The following ZWILCH variants were observed in gnomAD, a reference collection of about 807,000 sequenced individuals.
ZWILCH encodes the protein zwilch kinetochore protein.
A neutral mutation model predicts 79.9 loss-of-function variants in ZWILCH; 74 were observed. That is an observed-to-expected ratio of 0.93 (90% CI 0.77 to 1.12). The LOEUF is 1.12. Among genes scored for constraint, ZWILCH ranks in the 50% most tolerant of loss-of-function variants. The pLI is 0.00. For synonymous variants in ZWILCH, 241 were observed against 228.2 expected (o/e 1.06, Z -0.51); for missense variants, 694 against 687.5 (o/e 1.01, Z -0.11).
At chr15:66,541,227 C>T (rs2140807238) in intron 17 of ZWILCH, among the ~76,000 whole-genome samples, 1 of 152,010 alleles carries the variant, frequency 6.6e-6, no homozygotes, top group Non-Finnish European at 1.5e-5. Context: ...GTGGAGGTTA[C>T]AGTGAGCTGG....
chr15:66,527,986 G>T, intron 10 of ZWILCH, 74 bp downstream of exon 10: 4 of 1,290,086 alleles, frequency 3.1e-6, no homozygotes, highest in Non-Finnish European at 4.3e-6. Context: ...CATCTTTCAT[G>T]TTGTACCATC....
intron 16 of ZWILCH, among the ~76,000 whole-genome samples, 194 bp downstream of exon 16, chr15:66,537,457 G>A (rs1157123514): frequency 3.9e-5 from 6 of 151,938 alleles, no homozygotes; most frequent in African/African-American, 7.3e-5. Flanking sequence ...TTGGGAGGCC[G>A]AGGCGGGTGG....
At position 66,533,280 on chromosome 15, in the gene ZWILCH, T is replaced by C. The variant is rs1894909601; in HGVS notation, c.1341+267T>C. Reference sequence around the variant, plus strand: ...AGTGTACTATCACACATCTCATCTATCCAGAATGCTTAGGGAATGCCTTTC... The same window carrying C: ...AGTGTACTATCACACATCTCATCTACCCAGAATGCTTAGGGAATGCCTTTC... On this transcript the variant is annotated intron_variant, in intron 14 of 18. Transcript: ENST00000307897. Among the ~76,000 whole-genome samples the C allele has an allele frequency of 4.6e-5, 7 of 152,356 alleles. No homozygotes were observed. In the South Asian group the frequency reaches 1.4e-3, roughly 32 times the overall value.
chr15:66,506,982 G>T (rs981014234), intron 1 of ZWILCH, among the ~76,000 whole-genome samples: 2 of 151,172 alleles, frequency 1.3e-5, no homozygotes, highest in African/African-American at 4.9e-5. Flanking sequence ...TCAGCCTCCC[G>T]AGTAGCTGGG....
intron 1 of ZWILCH, among the ~76,000 whole-genome samples, chr15:66,506,588 A>G (rs1192120424): frequency 1.3e-5 from 2 of 152,158 alleles, no homozygotes; most frequent in African/African-American, 4.8e-5. Context: ...CTCGGGAGGC[A>G]GAGGTTGCAG....
intron 4 of ZWILCH, among the ~76,000 whole-genome samples, chr15:66,516,823 T>G (rs1410362494): frequency 7.2e-5 from 11 of 152,012 alleles, no homozygotes; most frequent in Admixed American, 7.2e-4. Flanking sequence ...TTTAAAAGTT[T>G]AATCAGCCTC....
At chr15:66,541,919 C>T (rs1895202745) in intron 17 of ZWILCH, among the ~76,000 whole-genome samples, 1 of 152,134 alleles carries the variant, frequency 6.6e-6, no homozygotes, top group African/African-American at 2.4e-5. Flanking sequence ...CCTGCCCTCC[C>T]AAGTATATTC....
At chr15:66,515,993 T>C (rs781270277) in intron 4 of ZWILCH, among the ~76,000 whole-genome samples, 2 of 152,246 alleles carry the variant, frequency 1.3e-5, no homozygotes, top group Non-Finnish European at 1.5e-5. Context: ...AGGTTCTTCA[T>C]TGGCTTCATG....
chr15:66,508,649 TTTC>T (rs1478703182), intron 1 of ZWILCH, 189 bp from the exon 2 acceptor site: 10 of 1,206,074 alleles, frequency 8.3e-6, no homozygotes, highest in Non-Finnish European at 1.1e-5. Flanking sequence ...TTGGTTCTCT[TTTC>T]TTCTTAACCT....
chr15:66,536,092 C>T (rs749371988), intron 15 of ZWILCH, 23 bp downstream of exon 15: 1 of 1,565,230 alleles, frequency 6.4e-7, no homozygotes, highest in Non-Finnish European at 8.6e-7. Context: ...GTATTCTTCA[C>T]TTATATAGAA....
chr15:66,520,809 C>A, intron 6 of ZWILCH, 149 bp downstream of exon 6: 1 of 721,622 alleles, frequency 1.4e-6, no homozygotes, highest in Non-Finnish European at 2.3e-6. Flanking sequence ...CAGCTAATGA[C>A]CAAAATTAAA....
intron 16 of ZWILCH, among the ~76,000 whole-genome samples, chr15:66,539,652 C>T (rs78299946): frequency 6.6e-6 from 1 of 152,298 alleles, no homozygotes; most frequent in African/African-American, 2.4e-5. Context: ...GTTTAAATGT[C>T]TCCTATCACA....
At chr15:66,515,680 T>C in intron 4 of ZWILCH, 36 bp downstream of exon 4, 2 of 1,393,064 alleles carry the variant, frequency 1.4e-6, no homozygotes, top group South Asian at 2.4e-5. Flanking sequence ...GGGTGGCAAC[T>C]AGGATTTAAA....
Position 66,540,205 on chromosome 15 carries a change from A to T in ZWILCH, c.1682A>T (p.Lys561Ile). The change falls in exon 17 of 19, where the codon AAA becomes ATA. Residue 561 changes from lysine to isoleucine, a missense_variant. Transcript: ENST00000307897. Reference sequence around the variant, plus strand: ...CCCATAGACCATCTGAATTTTCACAAACCTGGTAAAGATGGTTTATAATCT... The same window carrying T: ...CCCATAGACCATCTGAATTTTCACATACCTGGTAAAGATGGTTTATAATCT... ...SSPIDHLNFH[K>I]PDFSELTLNG... The T allele has an allele frequency of 1.2e-6, 2 of 1,604,976 alleles. No homozygotes were observed. Among genetic ancestry groups the T allele is most frequent in the Non-Finnish European group, 8.5e-7 (1 of 1,173,172 alleles).
At chr15:66,540,271 G>A (rs1410725740) in intron 17 of ZWILCH, 61 bp downstream of exon 17, 4 of 1,394,860 alleles carry the variant, frequency 2.9e-6, no homozygotes, top group East Asian at 4.8e-5. Context: ...ACTAAGTCTG[G>A]CTGGGCACAG....
At position 66,548,634 on chromosome 15, in the gene ZWILCH, A is replaced by G; in HGVS notation, c.*310A>G. 1.8e-6 allele frequency: 2 copies of G among 1,128,330 alleles called. No individual in the cohort carries two copies. Among genetic ancestry groups the G allele is most frequent in the Non-Finnish European group, 2.7e-6 (2 of 737,928 alleles). 69.9% of individuals were successfully genotyped at this position (1,128,330 alleles called of 1,614,324 possible). A position where few individuals can be genotyped will look rare whatever the true frequency, so the allele number is the denominator to read the frequency against. Reference sequence around the variant, plus strand: ...AAATGACAAAGAGAACGAGCACCACAAATGAGAACAGGATCATTTTAGTAA... The same window carrying G: ...AAATGACAAAGAGAACGAGCACCACGAATGAGAACAGGATCATTTTAGTAA... On this transcript the variant is annotated 3_prime_UTR_variant, in exon 19 of 19. Coordinates refer to ENST00000307897, the MANE Select transcript of ZWILCH (RefSeq NM_017975.5).
chr15:66,525,565 C>G (rs1894641316), intron 8 of ZWILCH, among the ~76,000 whole-genome samples: 1 of 152,010 alleles, frequency 6.6e-6, no homozygotes. Flanking sequence ...TCTTCTGGGA[C>G]CATGCTAATG....
intron 17 of ZWILCH, among the ~76,000 whole-genome samples, chr15:66,545,334 G>A (rs1375050376): frequency 6.6e-6 from 1 of 151,970 alleles, no homozygotes; most frequent in African/African-American, 2.4e-5. Context: ...AGCCTGGGCA[G>A]CAATAGCAAA....
chr15:66,507,171 C>G (rs1567038078), intron 1 of ZWILCH, among the ~76,000 whole-genome samples: 2 of 152,194 alleles, frequency 1.3e-5, no homozygotes, highest in Non-Finnish European at 2.9e-5. Context: ...CATTTAAACC[C>G]TTTATACTTC....
Sources: allele counts gnomAD v4.1 joint callset (sites outside exome capture counted in the v4.1 genomes callset), GRCh38; gene constraint gnomAD v4.1.1; transcripts MANE v1.5; gene names NCBI Gene and HGNC (gene_info 2026-07-23, HGNC 2026-07-21).